The following TRHDE variants were observed in gnomAD, a reference collection of about 807,000 sequenced individuals.
TRHDE encodes the protein thyrotropin-releasing hormone-degrading ectoenzyme.
TRHDE carries 72 observed loss-of-function variants against 125.7 expected under a neutral mutation model. That is an observed-to-expected ratio of 0.57 (90% CI 0.47 to 0.70). The LOEUF is 0.70. Among genes scored for constraint, TRHDE ranks in the 30% least tolerant of loss-of-function variants. TRHDE has a pLI of 0.00. For missense variants in TRHDE, 1,110 were observed against 1,327.1 expected (o/e 0.84, Z 2.54); for synonymous variants, 509 against 509.1 (o/e 1.00, Z 0.00).
chr12:72,586,508 T>C (rs569600676), intron 12 of TRHDE, among the ~76,000 whole-genome samples: 1 of 152,282 alleles, frequency 6.6e-6, no homozygotes, highest in African/African-American at 2.4e-5. Context: ...AAATCTGACT[T>C]GTTGCAACTA....
intron 3 of TRHDE, among the ~76,000 whole-genome samples, chr12:72,415,045 C>T (rs979191780): frequency 2.6e-5 from 4 of 152,006 alleles, no homozygotes; most frequent in African/African-American, 9.7e-5. Context: ...TCCTACTGTT[C>T]GTTGGTTCAT....
At chr12:72,480,156 A>G (rs145504279) in intron 5 of TRHDE, among the ~76,000 whole-genome samples, 441 of 152,034 alleles carry the variant, frequency 2.9e-3, no homozygotes, top group African/African-American at 9.7e-3. Context: ...AGCATGATTT[A>G]TAGTCCTTTG....
At chr12:72,490,900 A>G (rs142126793) in intron 5 of TRHDE, among the ~76,000 whole-genome samples, 5 of 151,510 alleles carry the variant, frequency 3.3e-5, no homozygotes, top group African/African-American at 4.8e-5. Context: ...CTAGAGGTCT[A>G]AGATACAATA....
At chr12:72,487,628 A>C (rs998661415) in intron 5 of TRHDE, among the ~76,000 whole-genome samples, 3 of 152,202 alleles carry the variant, frequency 2.0e-5, no homozygotes, top group African/African-American at 7.2e-5. Flanking sequence ...TACTTACAAG[A>C]AATACTTAAA....
At chr12:72,642,657 GA>G (rs1247213102) in intron 15 of TRHDE, among the ~76,000 whole-genome samples, 2 of 152,022 alleles carry the variant, frequency 1.3e-5, no homozygotes, top group Non-Finnish European at 2.9e-5. Context: ...TTCCTTCCCA[GA>G]TAATAAAATT....
intron 3 of TRHDE, among the ~76,000 whole-genome samples, chr12:72,451,675 C>CA (rs1875580542): frequency 6.6e-6 from 1 of 151,606 alleles, no homozygotes; most frequent in South Asian, 2.1e-4. Flanking sequence ...CCTGTTTGTG[C>CA]AAAAAATGTC....
At chr12:72,115,144 T>C (rs2139297685) in intron 2 of TRHDE, among the ~76,000 whole-genome samples, 1 of 152,116 alleles carries the variant, frequency 6.6e-6, no homozygotes, top group Non-Finnish European at 1.5e-5. Flanking sequence ...TTGACTATAC[T>C]CTCCATGTTG....
At chr12:72,101,243 A>G (rs1344768193) in intron 1 of TRHDE, among the ~76,000 whole-genome samples, 1 of 152,228 alleles carries the variant, frequency 6.6e-6, no homozygotes. Flanking sequence ...CAAAACAGCC[A>G]ATAAATGTTT....
Position 72,667,253 on chromosome 12 carries a change from A to C in TRHDE, c.*4058A>C, listed in dbSNP as rs1053269534. ...CTTATTCGCCTGGGTACTCTCATGA[A>C]GTAACCATGTACACCTAATAAAGAA... On this transcript the variant is annotated 3_prime_UTR_variant, in exon 19 of 19. Transcript: ENST00000261180. 3.3e-5 allele frequency: 5 copies of C among 151,922 alleles called. No homozygotes were observed. The allele number at this position is 151,922 out of a possible 1,614,324, so 9.4% of individuals were successfully genotyped here. A position where few individuals can be genotyped will look rare whatever the true frequency, so the allele number is the denominator to read the frequency against.
intron 2 of TRHDE, among the ~76,000 whole-genome samples, chr12:72,318,187 G>A (rs1868898125): frequency 6.6e-6 from 1 of 152,156 alleles, no homozygotes; most frequent in Admixed American, 6.5e-5. Flanking sequence ...GTGTGTCTCA[G>A]AGGGTGTTAG....
intron 15 of TRHDE, among the ~76,000 whole-genome samples, chr12:72,632,961 G>A (rs1246577989): frequency 1.3e-5 from 2 of 151,624 alleles, no homozygotes; most frequent in African/African-American, 4.8e-5. Context: ...ATGTTTTTGT[G>A]CTTTGGCAAT....
chr12:72,385,269 T>C (rs1384784101), intron 3 of TRHDE, among the ~76,000 whole-genome samples: 1 of 152,106 alleles, frequency 6.6e-6, no homozygotes, highest in African/African-American at 2.4e-5. Flanking sequence ...TACTCAGCTA[T>C]TGTATGGTTT....
At chr12:72,408,207 G>A (rs1199905388) in intron 3 of TRHDE, among the ~76,000 whole-genome samples, 1 of 152,136 alleles carries the variant, frequency 6.6e-6, no homozygotes, top group African/African-American at 2.4e-5. Context: ...ATCTATTGAT[G>A]AGGGCAACAT....
At chr12:72,309,360 T>G (rs1443108804) in intron 2 of TRHDE, among the ~76,000 whole-genome samples, 1 of 152,074 alleles carries the variant, frequency 6.6e-6, no homozygotes, top group Non-Finnish European at 1.5e-5. Context: ...AATTTTTGCA[T>G]GTGTTATGTG....
intron 6 of TRHDE, among the ~76,000 whole-genome samples, chr12:72,538,593 T>A (rs923984300): frequency 6.6e-6 from 1 of 151,998 alleles, no homozygotes; most frequent in Admixed American, 6.6e-5. Context: ...ATCGTAACTT[T>A]CCACTCAATT....
chr12:72,573,548 G>C (rs978506090), intron 10 of TRHDE, among the ~76,000 whole-genome samples: 2 of 151,822 alleles, frequency 1.3e-5, no homozygotes. Flanking sequence ...TGTCCCTCAG[G>C]TTACAAGTAA....
chr12:72,276,499 C>G lies in TRHDE; in HGVS notation c.914+2942C>G, dbSNP rs60108802. 4.9e-3 allele frequency among the ~76,000 whole-genome samples: 743 copies of G among 152,264 alleles called. 12 individuals are homozygous for G. The highest frequency in any genetic ancestry group is 0.017 in the African/African-American group (713 of 41,550). On this transcript the variant is annotated intron_variant, in intron 1 of 18. Coordinates refer to ENST00000261180, the MANE Select transcript of TRHDE (RefSeq NM_013381.3). ...GATTCTTCAACTTGCTTCTCAGAGA[C>G]CTGAGCAAAAGAATTTTGGTGACGG...
At chr12:72,518,726 G>C (rs1321181541) in intron 6 of TRHDE, among the ~76,000 whole-genome samples, 3 of 152,118 alleles carry the variant, frequency 2.0e-5, no homozygotes, top group Non-Finnish European at 4.4e-5. Context: ...AGTTGATGCA[G>C]TTTCTTCCTA....
intron 2 of TRHDE, among the ~76,000 whole-genome samples, chr12:72,338,929 G>T (rs150981278): frequency 6.6e-6 from 1 of 152,112 alleles, no homozygotes; most frequent in Non-Finnish European, 1.5e-5. Flanking sequence ...TTTGAAATTG[G>T]CCTTACATAG....
Sources: gnomAD v4.1 joint callset for allele counts (sites outside exome capture counted in the v4.1 genomes callset) on GRCh38, gnomAD v4.1.1 for gene constraint, MANE v1.5 for transcripts, NCBI Gene and HGNC (gene_info 2026-07-23, HGNC 2026-07-21) for gene names.